The following PTPRM variants were observed in gnomAD, a reference collection of about 807,000 sequenced individuals.
PTPRM encodes the protein protein tyrosine phosphatase receptor type M.
A neutral mutation model predicts 186.7 loss-of-function variants in PTPRM; 47 were observed. The ratio of observed to expected loss-of-function variants is 0.25; its 90% confidence interval spans 0.20 to 0.32. The LOEUF is 0.32. Ranked by LOEUF, PTPRM falls within the 10% of genes least tolerant of loss-of-function variation. The pLI is 1.00. For synonymous variants in PTPRM, 668 were observed against 674.9 expected (o/e 0.99, Z 0.16); for missense variants, 1,494 against 1,865.0 (o/e 0.80, Z 3.66).
chr18:7,867,071 T>C (rs1432547643), intron 2 of PTPRM, among the ~76,000 whole-genome samples: 1 of 152,216 alleles, frequency 6.6e-6, no homozygotes, highest in Non-Finnish European at 1.5e-5. Flanking sequence ...TCCATCCCTT[T>C]ATTTTGAGCC....
chr18:7,960,631 A>C (rs2053616263), intron 7 of PTPRM, among the ~76,000 whole-genome samples: 1 of 151,940 alleles, frequency 6.6e-6, no homozygotes, highest in Non-Finnish European at 1.5e-5. Context: ...CGTGGCATAC[A>C]TCTGTAGTCC....
chr18:7,933,239 G>C (rs2051594642), intron 5 of PTPRM, among the ~76,000 whole-genome samples: 1 of 152,156 alleles, frequency 6.6e-6, no homozygotes, highest in South Asian at 2.1e-4. Context: ...AAGGCATAAA[G>C]TGTGCTTCCT....
chr18:7,652,565 A>G (rs939077492), intron 1 of PTPRM, among the ~76,000 whole-genome samples: 3 of 151,892 alleles, frequency 2.0e-5, no homozygotes, highest in South Asian at 2.1e-4. Flanking sequence ...ATGGAATACT[A>G]TGCAGCCATA....
chr18:8,216,103 C>T (rs1045991049), intron 14 of PTPRM, among the ~76,000 whole-genome samples: 1 of 152,080 alleles, frequency 6.6e-6, no homozygotes, highest in African/African-American at 2.4e-5. Context: ...TGCAAAAACC[C>T]GTATTTCTTT....
intron 3 of PTPRM, among the ~76,000 whole-genome samples, chr18:7,900,810 G>A (rs993805220): frequency 6.6e-6 from 1 of 152,144 alleles, no homozygotes; most frequent in African/African-American, 2.4e-5. Context: ...TATATGCAAA[G>A]GATACCTGGG....
chr18:7,841,688 A>G (rs1282993547), intron 2 of PTPRM, among the ~76,000 whole-genome samples: 6 of 152,200 alleles, frequency 3.9e-5, no homozygotes, highest in Admixed American at 3.9e-4. Flanking sequence ...ATACTCTGAC[A>G]TTAGCATAAT....
chr18:8,337,913 T>C (rs617642), intron 22 of PTPRM, among the ~76,000 whole-genome samples: 148,296 of 152,298 alleles, frequency 0.97, 72,309 homozygotes, highest in East Asian at 1. Flanking sequence ...AGCGGAAAGC[T>C]GTGGGAGGAT....
chr18:7,835,979 C>T (rs945241865), intron 2 of PTPRM, among the ~76,000 whole-genome samples: 3 of 151,856 alleles, frequency 2.0e-5, no homozygotes, highest in Non-Finnish European at 4.4e-5. Flanking sequence ...TTTTAGTTTA[C>T]CTGTGTCTTT....
intron 7 of PTPRM, among the ~76,000 whole-genome samples, chr18:8,052,717 G>T (rs965597920): frequency 1.3e-5 from 2 of 152,170 alleles, no homozygotes; most frequent in African/African-American, 4.8e-5. Context: ...GAATATAACA[G>T]CTGGATTGTA....
At chr18:7,644,525 T>C (rs773601473) in intron 1 of PTPRM, among the ~76,000 whole-genome samples, 1 of 152,186 alleles carries the variant, frequency 6.6e-6, no homozygotes, top group East Asian at 1.9e-4. Flanking sequence ...CAAATCTATT[T>C]GTAATTTAAT....
chr18:7,683,671 A>AG (rs1289289805), intron 1 of PTPRM, among the ~76,000 whole-genome samples: 1 of 152,208 alleles, frequency 6.6e-6, no homozygotes, highest in East Asian at 1.9e-4. Flanking sequence ...TCTTGATTAA[A>AG]GGATGGATTT....
At chr18:8,209,404 G>A (rs1474571182) in intron 14 of PTPRM, among the ~76,000 whole-genome samples, 2 of 152,254 alleles carry the variant, frequency 1.3e-5, no homozygotes, top group Admixed American at 6.5e-5. Flanking sequence ...AAAAAATCAA[G>A]GATGTCTCTG....
chr18:7,924,051 G>A (rs2051027020), intron 4 of PTPRM, among the ~76,000 whole-genome samples: 1 of 152,218 alleles, frequency 6.6e-6, no homozygotes, highest in Non-Finnish European at 1.5e-5. Flanking sequence ...AATGGTTGGA[G>A]CAAACTATAA....
intron 7 of PTPRM, among the ~76,000 whole-genome samples, chr18:8,009,021 C>T (rs146328744): frequency 1.3e-3 from 200 of 152,228 alleles, no homozygotes; most frequent in African/African-American, 4.5e-3. Context: ...CTGTAGTTAT[C>T]GGTGGCCACA....
At chr18:8,185,071 T>C (rs1194018518) in intron 14 of PTPRM, among the ~76,000 whole-genome samples, 1 of 152,180 alleles carries the variant, frequency 6.6e-6, no homozygotes, top group Admixed American at 6.5e-5. Flanking sequence ...TAACAGCAAA[T>C]GTACTTTGCC....
chr18:7,837,930 C>T (rs1361001270), intron 2 of PTPRM, among the ~76,000 whole-genome samples: 1 of 152,120 alleles, frequency 6.6e-6, no homozygotes, highest in Non-Finnish European at 1.5e-5. Flanking sequence ...TGTTTGTACA[C>T]TGGCAAGGTT....
chr18:7,778,558 A>G (rs2042701112), intron 2 of PTPRM, among the ~76,000 whole-genome samples: 1 of 151,894 alleles, frequency 6.6e-6, no homozygotes, highest in East Asian at 1.9e-4. Flanking sequence ...GCAGCCTCCC[A>G]CTACCTTCCC....
At chr18:7,579,867 A>G (rs1439692534) in intron 1 of PTPRM, among the ~76,000 whole-genome samples, 1 of 152,200 alleles carries the variant, frequency 6.6e-6, no homozygotes, top group African/African-American at 2.4e-5. Flanking sequence ...GGTGCCCCAT[A>G]AGGATGGACC....
chr18:7,750,550 G>A (rs1209892386), intron 1 of PTPRM, among the ~76,000 whole-genome samples: 4 of 152,114 alleles, frequency 2.6e-5, no homozygotes. Context: ...AGAGCCAATA[G>A]AAGTTTTCTG....
Sources: allele counts gnomAD v4.1 joint callset (sites outside exome capture counted in the v4.1 genomes callset), GRCh38; gene constraint gnomAD v4.1.1; transcripts MANE v1.5; gene names NCBI Gene and HGNC (gene_info 2026-07-23, HGNC 2026-07-21).